The following MCF2L variants were observed in gnomAD, a reference collection of about 807,000 sequenced individuals.
The protein encoded by MCF2L is guanine nucleotide exchange factor DBS.
In MCF2L, 97 loss-of-function variants were observed where a neutral mutation model predicts 153.4. The observed-to-expected ratio is 0.63, with a 90% CI of 0.54 to 0.75. The LOEUF is 0.75. MCF2L is among the 30% of genes least tolerant of loss of function. MCF2L has a pLI of 0.00. For missense variants in MCF2L, 1,347 were observed against 1,495.2 expected, an observed-to-expected ratio of 0.90 and a Z score of 1.64; for synonymous variants, 659 against 632.2, an observed-to-expected ratio of 1.04 and a Z score of -0.64.
chr13:112,951,663 G>T lies in MCF2L; in HGVS notation c.169+49292G>T, dbSNP rs958349953. ...TTCAGTGGTTGTGGGGGGTCCACGA[G>T]GGGTGATCTGGGAGGAACATGGGTG... On this transcript the variant is annotated intron_variant, in intron 2 of 29. Coordinates refer to the MCF2L transcript ENST00000375608. The surrounding 1 kb of genome is among the most constrained non-coding windows in gnomAD (Gnocchi z 4.8). Among the ~76,000 whole-genome samples, 6 of 152,198 alleles carry T rather than the reference G, an allele frequency of 3.9e-5. No individual in the cohort carries two copies. Among genetic ancestry groups the T allele is most frequent in the Non-Finnish European group, 5.9e-5 (4 of 68,044 alleles).
chr13:113,033,642 C>CA (rs1566774308), intron 3 of MCF2L, among the ~76,000 whole-genome samples: 3 of 152,148 alleles, frequency 2.0e-5, no homozygotes, highest in Admixed American at 6.5e-5. Flanking sequence ...TTCCCCCCCC[C>CA]ACCCCAACGG....
In MCF2L at chr13:112,955,712, G is replaced by C. The variant is rs568436873; in HGVS notation, c.169+53341G>C. Among the ~76,000 whole-genome samples, 4 of 152,268 alleles carry C rather than the reference G, an allele frequency of 2.6e-5. No individual in the cohort carries two copies. The South Asian group carries it at 8.3e-4, about 32-fold the overall frequency. The stretch of plus-strand genomic sequence containing the variant: ...TGGAGGCTGTTTCCATTCCCCAAAA[G>C]AGCCCCTGCGCTCAGCATTTTGTGA... On this transcript the variant is annotated intron_variant, in intron 2 of 29. Coordinates refer to the MCF2L transcript ENST00000375608.
rs2031241798 is a variant in MCF2L, at chr13:113,060,651, A to G, written c.428A>G (p.Gln143Arg). 1.2e-6 allele frequency: 2 copies of G among 1,613,534 alleles called. No homozygotes were observed. The highest frequency in any genetic ancestry group is 1.7e-6 in the Non-Finnish European group (2 of 1,179,974). Residue 143 changes from glutamine (Q) to arginine (R), a missense_variant, in exon 5 of 30, where the codon CAA (glutamine) becomes CGA (arginine). Physicochemically the swap from Gln to Arg is conservative, Grantham distance 43. Coordinates refer to ENST00000535094, the MANE Select transcript of MCF2L (RefSeq NM_001112732.3). Reference sequence around the variant, plus strand: ...GTGCTTCGCCCGACGGGTTTTTTCCAAAGGACTCTCTCCGACATCGCTTTC... The same window carrying G: ...GTGCTTCGCCCGACGGGTTTTTTCCGAAGGACTCTCTCCGACATCGCTTTC... ...VLVLRPTGFF[Q>R]RTLSDIAFKF...
chr13:112,954,209 C>T (rs1325138703), intron 2 of MCF2L, among the ~76,000 whole-genome samples: 1 of 152,202 alleles, frequency 6.6e-6, no homozygotes, highest in Non-Finnish European at 1.5e-5. Context: ...GTTTCCAGGC[C>T]TCACACAAAG....
intron 7 of MCF2L, chr13:113,065,436 C>T (rs2032217271): frequency 3.4e-6 from 1 of 295,458 alleles, no homozygotes; most frequent in South Asian, 5.8e-5. Flanking sequence ...GCGGGGAGCT[C>T]CCGAATAGAC....
intron 1 of MCF2L, among the ~76,000 whole-genome samples, chr13:112,998,956 T>C (rs565777235): frequency 1.3e-5 from 2 of 152,252 alleles, no homozygotes; most frequent in South Asian, 4.1e-4. Context: ...GCCCTCAGTC[T>C]CCTGGACTGA....
At chr13:113,078,244 A>C (rs1368052760) in intron 13 of MCF2L, 119 bp from the exon 14 acceptor site, 12 of 784,778 alleles carry the variant, frequency 1.5e-5, no homozygotes, top group African/African-American at 1.2e-4. Flanking sequence ...CCACGCCACC[A>C]CCTGTGGCCT....
At chr13:113,071,811 C>T (rs896032616) in intron 9 of MCF2L, among the ~76,000 whole-genome samples, 1 of 152,228 alleles carries the variant, frequency 6.6e-6, no homozygotes, top group African/African-American at 2.4e-5. Context: ...ATTCTTCCCT[C>T]TTTGTTTTCT....
intron 23 of MCF2L, 148 bp from the exon 24 acceptor site, chr13:113,088,179 C>T (rs1046272572): frequency 2.6e-6 from 2 of 763,120 alleles, no homozygotes; most frequent in Non-Finnish European, 4.6e-6. Context: ...TGCGGGGCCA[C>T]CCACAGTGCT....
upstream of MCF2L, chr13:112,968,685 G>T: frequency 1.4e-6 from 2 of 1,453,940 alleles, no homozygotes; most frequent in Non-Finnish European, 1.8e-6. Context: ...GGCCTCTGCA[G>T]CTTCTACACC....
Position 112,969,604 on chromosome 13 carries a change from A to G in MCF2L, c.79+146A>G, listed in dbSNP as rs1218958303. 5 of 1,427,020 alleles carry G rather than the reference A, an allele frequency of 3.5e-6. No homozygotes were observed. Among genetic ancestry groups the G allele is most frequent in the Non-Finnish European group, 4.7e-6 (5 of 1,059,416 alleles). 88.4% of individuals were successfully genotyped at this position (1,427,020 alleles called of 1,614,324 possible). A position where few individuals can be genotyped will look rare whatever the true frequency, so the allele number is the denominator to read the frequency against. ...TGTGACATGGGGGGCACTGGTTGGCAGCTGGTGTGTTTTCAGAGGCTGTCG... is the reference window on the plus strand; with the variant it reads ...TGTGACATGGGGGGCACTGGTTGGCGGCTGGTGTGTTTTCAGAGGCTGTCG... On this transcript the variant is annotated intron_variant, in intron 1 of 29. Transcript: ENST00000535094. The surrounding 1 kb of genome is among the most constrained non-coding windows in gnomAD (Gnocchi z 4.8).
chr13:113,038,590 G>A (rs988569459), intron 3 of MCF2L, among the ~76,000 whole-genome samples: 10 of 152,144 alleles, frequency 6.6e-5, no homozygotes, highest in African/African-American at 9.6e-5. Flanking sequence ...CATATAGATC[G>A]AATGCAGTTC....
Position 112,969,374 on chromosome 13 carries a change from C to G in MCF2L, c.-6C>G, listed in dbSNP as rs1421973595. The G allele has an allele frequency of 1.3e-6, 2 of 1,550,080 alleles. No homozygotes were observed. The highest frequency in any genetic ancestry group is 1.7e-6 in the Non-Finnish European group (2 of 1,146,666). On this transcript the variant is annotated 5_prime_UTR_variant, in exon 1 of 30. Transcript: ENST00000535094. The surrounding 1 kb of genome is among the most constrained non-coding windows in gnomAD (Gnocchi z 4.8). The stretch of plus-strand genomic sequence containing the variant: ...TCTGCCAGGATCATTTTTGTTGTGT[C>G]GGAGGATGAGGTTTTGGCTGAGGAC...
At chr13:113,007,212 G>A (rs1022832197) in intron 1 of MCF2L, among the ~76,000 whole-genome samples, 2 of 152,182 alleles carry the variant, frequency 1.3e-5, no homozygotes, top group African/African-American at 2.4e-5. Context: ...CAGGTGTAGG[G>A]TGGATGCTGA....
intron 26 of MCF2L, among the ~76,000 whole-genome samples, chr13:113,092,069 G>A (rs533046528): frequency 1.3e-5 from 2 of 152,330 alleles, no homozygotes; most frequent in Admixed American, 6.5e-5. Flanking sequence ...CGAGGCCCCA[G>A]GAGTGCTTGG....
chr13:112,989,075 G>T (rs1359022415), intron 1 of MCF2L, among the ~76,000 whole-genome samples: 1 of 113,014 alleles, frequency 8.8e-6, no homozygotes, highest in African/African-American at 3.4e-5. Context: ...CCACGCCCGA[G>T]TCCTCCCTGA....
At chr13:113,087,639 A>G in intron 22 of MCF2L, 68 bp from the exon 23 acceptor site, 1 of 1,387,192 alleles carries the variant, frequency 7.2e-7, no homozygotes. Flanking sequence ...GCCTGCACCA[A>G]CACCTTTTAA....
intron 21 of MCF2L, 22 bp from the exon 22 acceptor site, chr13:113,087,213 A>C (rs1384264457): frequency 6.2e-7 from 1 of 1,602,920 alleles, no homozygotes; most frequent in South Asian, 1.1e-5. Flanking sequence ...TCCTGAACAC[A>C]GCCCTGCTGT....
intron 1 of MCF2L, among the ~76,000 whole-genome samples, chr13:112,984,689 C>G (rs1157190453): frequency 6.6e-6 from 1 of 152,156 alleles, no homozygotes; most frequent in Non-Finnish European, 1.5e-5. Context: ...GTAGCGCGTG[C>G]AAAAAGGAAA....
Sources: gnomAD v4.1 joint callset for allele counts (sites outside exome capture counted in the v4.1 genomes callset) on GRCh38, gnomAD v4.1.1 for gene constraint, Gnocchi (gnomAD v3.1) non-coding constraint, MANE v1.5 for transcripts, NCBI Gene and HGNC (gene_info 2026-07-23, HGNC 2026-07-21) for gene names.